Variants in PKNOX1 observed in about 807,000 individuals in gnomAD.
The protein encoded by PKNOX1 is homeobox protein PKNOX1.
In PKNOX1, 15 loss-of-function variants were observed where a neutral mutation model predicts 51.9. That is an observed-to-expected ratio of 0.29 (90% CI 0.19 to 0.45). The LOEUF is 0.45. Ranked by LOEUF, PKNOX1 falls within the 20% of genes least tolerant of loss-of-function variation. PKNOX1 has a pLI of 1.00. For synonymous variants in PKNOX1, 219 were observed against 211.1 expected (o/e 1.04, Z -0.32); for missense variants, 462 against 547.5 (o/e 0.84, Z 1.56).
chr21:43,002,468 C>G (rs900334941), intron 1 of PKNOX1, among the ~76,000 whole-genome samples: 2 of 149,452 alleles, frequency 1.3e-5, no homozygotes, highest in Non-Finnish European at 3.0e-5. Flanking sequence ...GCCTCCTGTG[C>G]CCTTTGACTG....
chr21:43,021,754 A>G lies in PKNOX1; in HGVS notation c.849+323A>G, dbSNP rs757574660. Among the ~76,000 whole-genome samples, 13 of 152,164 alleles carry G rather than the reference A, an allele frequency of 8.5e-5. No homozygotes were observed. The highest frequency in any genetic ancestry group is 1.8e-4 in the Non-Finnish European group (12 of 68,004). On this transcript the variant is annotated intron_variant, in intron 8 of 10. Transcript: ENST00000291547. The surrounding 1 kb of genome is among the most constrained non-coding windows in gnomAD (Gnocchi z 4.6). ...GATGTTCTTGGGCAGCAGCTGGGGA[A>G]GTTGCTGTGTTTCTGTGTGTTGGAT... is the stretch of plus-strand genomic sequence containing the variant.
intron 4 of PKNOX1, among the ~76,000 whole-genome samples, chr21:43,010,669 TG>T (rs1423004565): frequency 1.3e-5 from 2 of 151,796 alleles, no homozygotes; most frequent in Non-Finnish European, 2.9e-5. Flanking sequence ...GGCCAACATC[TG>T]GTCTCGATGT....
In PKNOX1 at chr21:43,012,938, A is replaced by T; in HGVS notation, c.352-130A>T. The T allele has an allele frequency of 5.7e-6, 4 of 700,502 alleles. No homozygotes were observed. The East Asian group carries it at 1.1e-4, about 19-fold the overall frequency. The allele number at this position is 700,502 out of a possible 1,614,324, so 43.4% of individuals were successfully genotyped here. A position where few individuals can be genotyped will look rare whatever the true frequency, so the allele number is the denominator to read the frequency against. On this transcript the variant is annotated intron_variant, in intron 4 of 10. Coordinates refer to ENST00000291547, the MANE Select transcript of PKNOX1 (RefSeq NM_004571.5). Reference sequence around the variant, plus strand: ...AACACATCAGTTTAGAGGATTTCTGATGTTATTCCACTTTGGTTATTGGCA... The same window carrying T: ...AACACATCAGTTTAGAGGATTTCTGTTGTTATTCCACTTTGGTTATTGGCA...
rs925157725 is a variant in PKNOX1, at chr21:42,982,093, C to T, written c.-57+7429C>T. Among the ~76,000 whole-genome samples, 6 of 152,334 alleles carry T rather than the reference C, an allele frequency of 3.9e-5. No homozygotes were observed. In the East Asian group the frequency reaches 1.2e-3, roughly 29 times the overall value. ...ACTCTCCCTTTTCCAGCACCCACCT[C>T]AGAGAGAGTGCCTGTGCTCTTTCCC... On this transcript the variant is annotated intron_variant, in intron 1 of 10. Transcript: ENST00000291547.
chr21:42,975,175 T>G (rs1315833580), intron 1 of PKNOX1, among the ~76,000 whole-genome samples: 4 of 144,038 alleles, frequency 2.8e-5, no homozygotes, highest in African/African-American at 1.0e-4. Context: ...CGCGGAGTCC[T>G]CAGGGCCGGC....
At chr21:42,995,215 C>T (rs367770953) in intron 1 of PKNOX1, among the ~76,000 whole-genome samples, 2 of 152,160 alleles carry the variant, frequency 1.3e-5, no homozygotes, top group Non-Finnish European at 2.9e-5. Context: ...AACCACCACA[C>T]CTGGCCGTTT....
At chr21:43,012,826 T>G (rs1250520414) in intron 4 of PKNOX1, among the ~76,000 whole-genome samples, 1 of 152,130 alleles carries the variant, frequency 6.6e-6, no homozygotes, top group Non-Finnish European at 1.5e-5. Flanking sequence ...AGCACTGGGA[T>G]GCACCGAGGT....
At chr21:42,985,149 G>A (rs1186097798) in intron 1 of PKNOX1, among the ~76,000 whole-genome samples, 2 of 151,650 alleles carry the variant, frequency 1.3e-5, no homozygotes, top group African/African-American at 4.8e-5. Flanking sequence ...CACCATGCCC[G>A]GCTAATTTTT....
intron 1 of PKNOX1, among the ~76,000 whole-genome samples, chr21:42,998,273 A>G (rs1242004660): frequency 6.6e-6 from 1 of 152,192 alleles, no homozygotes; most frequent in South Asian, 2.1e-4. Flanking sequence ...CTTATTCGCT[A>G]TCATGAGAAC....
At chr21:43,004,081 C>A in intron 1 of PKNOX1, 1 of 241,472 alleles carries the variant, frequency 4.1e-6, no homozygotes, top group Non-Finnish European at 8.3e-6. Flanking sequence ...CTACTAAAAA[C>A]ACAAAATTAT....
intron 3 of PKNOX1, among the ~76,000 whole-genome samples, chr21:43,008,520 G>A (rs764508855): frequency 7.2e-5 from 11 of 152,214 alleles, no homozygotes; most frequent in Non-Finnish European, 4.4e-5. Context: ...GCTCACACCT[G>A]TAATCCCAGA....
intron 5 of PKNOX1, among the ~76,000 whole-genome samples, 169 bp from the exon 6 acceptor site, chr21:43,016,739 T>C (rs1470594199): frequency 1.3e-5 from 2 of 152,246 alleles, no homozygotes; most frequent in African/African-American, 4.8e-5. Context: ...CATCTCTTGC[T>C]TTCCGTGTGT....
At chr21:42,993,609 C>T (rs1210917611) in intron 1 of PKNOX1, among the ~76,000 whole-genome samples, 2 of 148,268 alleles carry the variant, frequency 1.3e-5, no homozygotes, top group African/African-American at 5.0e-5. Flanking sequence ...TTCTCCTGCT[C>T]CCTTGGCCTG....
intron 1 of PKNOX1, among the ~76,000 whole-genome samples, chr21:43,002,962 G>C (rs185098542): frequency 6.6e-6 from 1 of 152,130 alleles, no homozygotes; most frequent in Admixed American, 6.5e-5. Flanking sequence ...TGATCCACCC[G>C]CCTGCACCTC....
rs749674213 is a variant in PKNOX1, at chr21:43,030,148, A to G, written c.*47A>G. The G allele has an allele frequency of 1.5e-6, 2 of 1,349,348 alleles. No individual in the cohort carries two copies. Among genetic ancestry groups the G allele is most frequent in the South Asian group, 2.6e-5 (2 of 75,658 alleles). 83.6% of individuals were successfully genotyped at this position (1,349,348 alleles called of 1,614,324 possible). ...ACTTTTTGGAGTTTGCACAGCAAAC[A>G]TTTTACACAGTTTTATTTCTAATAT... is the stretch of plus-strand genomic sequence containing the variant. On this transcript the variant is annotated 3_prime_UTR_variant, in exon 11 of 11. Transcript: ENST00000291547.
intron 7 of PKNOX1, among the ~76,000 whole-genome samples, chr21:43,019,130 C>G (rs1601298380): frequency 6.8e-6 from 1 of 146,682 alleles, no homozygotes; most frequent in South Asian, 2.1e-4. Flanking sequence ...CAGTGGCTCA[C>G]ACCTGTGATC....
At chr21:42,975,649 C>T (rs1023271843) in intron 1 of PKNOX1, among the ~76,000 whole-genome samples, 2 of 152,218 alleles carry the variant, frequency 1.3e-5, no homozygotes, top group Non-Finnish European at 2.9e-5. Flanking sequence ...GTTCCGATGG[C>T]GGATTCCTGA....
At chr21:43,027,588 C>A (rs571013404) in intron 9 of PKNOX1, among the ~76,000 whole-genome samples, 3 of 152,200 alleles carry the variant, frequency 2.0e-5, no homozygotes, top group African/African-American at 7.2e-5. Context: ...CTATCATACT[C>A]ATTTGATATG....
At chr21:43,015,845 G>C (rs56099913) in intron 5 of PKNOX1, among the ~76,000 whole-genome samples, 14,237 of 151,804 alleles carry the variant, frequency 0.094, 790 homozygotes, top group Non-Finnish European at 0.12. Context: ...CTTTCTAGAG[G>C]TTTATGTAAT....
Sources: gnomAD v4.1 joint callset for allele counts (sites outside exome capture counted in the v4.1 genomes callset) on GRCh38, gnomAD v4.1.1 for gene constraint, Gnocchi (gnomAD v3.1) non-coding constraint, MANE v1.5 for transcripts, NCBI Gene and HGNC (gene_info 2026-07-23, HGNC 2026-07-21) for gene names.